The following ZNF475 variants were observed in gnomAD, a reference collection of about 807,000 sequenced individuals.
ZNF475 encodes zinc finger protein 475.
At chr5:122,160,623 G>A in the ZNF475 span, among the ~76,000 whole-genome samples, 1 of 152,102 alleles carries the variant, frequency 6.6e-6, no homozygotes, top group Non-Finnish European at 1.5e-5. Flanking sequence ...TTCTGTATGT[G>A]GCTTTCTGCT....
chr5:122,171,055 C>T, the ZNF475 span, among the ~76,000 whole-genome samples: 2 of 152,242 alleles, frequency 1.3e-5, no homozygotes, highest in South Asian at 4.1e-4. Context: ...TAATTTTATG[C>T]TATGCAAAGC....
the ZNF475 span, among the ~76,000 whole-genome samples, chr5:122,178,255 T>C: frequency 2.0e-5 from 3 of 152,246 alleles, no homozygotes; most frequent in Non-Finnish European, 2.9e-5. Flanking sequence ...TTTGGGTATA[T>C]ACCCAGTAAT....
chr5:122,171,540 AG>A, the ZNF475 span, among the ~76,000 whole-genome samples: 1 of 152,344 alleles, frequency 6.6e-6, no homozygotes, highest in East Asian at 1.9e-4. Flanking sequence ...CTTCACTAAA[AG>A]TTTAGTTTTT....
chr5:122,178,798 G>A, the ZNF475 span, among the ~76,000 whole-genome samples: 2 of 152,138 alleles, frequency 1.3e-5, no homozygotes, highest in East Asian at 3.8e-4. Flanking sequence ...TTTTAGTCAT[G>A]AAGTCTTTGC....
At chr5:122,173,045 A>C in the ZNF475 span, among the ~76,000 whole-genome samples, 1 of 152,146 alleles carries the variant, frequency 6.6e-6, no homozygotes. Flanking sequence ...AAAAAAAAAA[A>C]GAAATGAACA....
At chr5:122,164,008 T>G in the ZNF475 span, among the ~76,000 whole-genome samples, 7 of 152,330 alleles carry the variant, frequency 4.6e-5, 1 homozygote, top group East Asian at 1.3e-3. Context: ...TTGTTTTAAT[T>G]CCTCAGTCAA....
At chr5:122,181,865 T>G in the ZNF475 span, among the ~76,000 whole-genome samples, 104 of 152,330 alleles carry the variant, frequency 6.8e-4, no homozygotes, top group African/African-American at 2.4e-3. Context: ...TCATCTGTCT[T>G]TGTTATTTTC....
At chr5:122,179,919 A>T in the ZNF475 span, 2 of 456,678 alleles carry the variant, frequency 4.4e-6, no homozygotes, top group Non-Finnish European at 7.7e-6. Flanking sequence ...TGATGCTGAG[A>T]CATAAAGACA....
At chr5:122,170,954 T>A in the ZNF475 span, among the ~76,000 whole-genome samples, 1 of 152,170 alleles carries the variant, frequency 6.6e-6, no homozygotes, top group Non-Finnish European at 1.5e-5. Context: ...ATCACCCCTG[T>A]CACTCAAGAA....
At chr5:122,163,239 T>C in the ZNF475 span, 1 of 152,194 alleles carries the variant, frequency 6.6e-6, no homozygotes, top group African/African-American at 2.4e-5. Context: ...AGTTTCCTGG[T>C]TTATAAAATA....
chr5:122,178,830 T>C, the ZNF475 span, among the ~76,000 whole-genome samples: 3 of 152,192 alleles, frequency 2.0e-5, no homozygotes, highest in Non-Finnish European at 4.4e-5. Flanking sequence ...TCCTGAATGG[T>C]ATTGCCTAGG....
chr5:122,164,919 T>C, the ZNF475 span, among the ~76,000 whole-genome samples: 2 of 152,136 alleles, frequency 1.3e-5, no homozygotes, highest in South Asian at 2.1e-4. Context: ...GTCTCAGAGA[T>C]AGAGCTTTGG....
chr5:122,179,815 T>C, the ZNF475 span: 9 of 1,066,302 alleles, frequency 8.4e-6, no homozygotes, highest in Non-Finnish European at 1.0e-5. Flanking sequence ...CTTTTTTCAC[T>C]TGTTCAAACG....
At chr5:122,170,202 T>A in the ZNF475 span, among the ~76,000 whole-genome samples, 1 of 152,160 alleles carries the variant, frequency 6.6e-6, no homozygotes, top group Admixed American at 6.5e-5. Flanking sequence ...GTGGATTTTT[T>A]CCCCCACAGC....
chr5:122,162,818 G>C, the ZNF475 span, among the ~76,000 whole-genome samples: 7 of 152,156 alleles, frequency 4.6e-5, no homozygotes, highest in African/African-American at 1.4e-4. Flanking sequence ...AGAAGTTAAT[G>C]TTTGACCCAA....
chr5:122,174,308 C>G, the ZNF475 span, among the ~76,000 whole-genome samples: 1 of 152,194 alleles, frequency 6.6e-6, no homozygotes, highest in East Asian at 1.9e-4. Context: ...GTGGCAATAA[C>G]CACAAGTTGG....
the ZNF475 span, among the ~76,000 whole-genome samples, chr5:122,174,391 T>A: frequency 6.6e-6 from 1 of 152,186 alleles, no homozygotes; most frequent in African/African-American, 2.4e-5. Flanking sequence ...TAGGTCTTCT[T>A]ATCTCTGTTC....
the ZNF475 span, chr5:122,160,374 A>G: frequency 1.1e-6 from 1 of 890,898 alleles, no homozygotes; most frequent in African/African-American, 1.7e-5. Context: ...GGGGAAAGTT[A>G]CACATTTTAG....
the ZNF475 span, chr5:122,179,932 A>G: frequency 9.5e-6 from 4 of 422,308 alleles, no homozygotes; most frequent in African/African-American, 8.1e-5. Flanking sequence ...TAAAGACACT[A>G]TGTCCTGGCA....
Sources: gnomAD v4.1 joint callset for allele counts (sites outside exome capture counted in the v4.1 genomes callset) on GRCh38, gnomAD v4.1.1 for gene constraint, MANE v1.5 for transcripts, NCBI Gene and HGNC (gene_info 2026-07-23, HGNC 2026-07-21) for gene names.